The following NPAS3 variants were observed in gnomAD, a reference collection of about 807,000 sequenced individuals.
NPAS3 encodes neuronal PAS domain protein 3, also known as neuronal PAS domain-containing protein 3.
A neutral mutation model predicts 73.1 loss-of-function variants in NPAS3; 14 were observed. The observed-to-expected ratio is 0.19, with a 90% confidence interval of 0.13 to 0.30. The LOEUF (loss-of-function observed/expected upper bound fraction) is 0.30. NPAS3 is among the 10% of genes least tolerant of loss of function. The probability of loss-of-function intolerance (pLI) is 1.00; values close to 1 mark genes in which losing one functional copy is unlikely to be tolerated. For missense variants in NPAS3, 1,096 were observed against 1,250.0 expected (o/e 0.88, Z 1.86); for synonymous variants, 620 against 541.5 (o/e 1.14, Z -2.01).
At chr14:33,457,273 T>G (rs527979947) in intron 4 of NPAS3, among the ~76,000 whole-genome samples, 1 of 152,356 alleles carries the variant, frequency 6.6e-6, no homozygotes, top group African/African-American at 2.4e-5. Context: ...AGCAATTTTC[T>G]TTTACCCTCC....
intron 7 of NPAS3, among the ~76,000 whole-genome samples, chr14:33,738,533 A>T (rs2140669700): frequency 6.6e-6 from 1 of 152,196 alleles, no homozygotes; most frequent in East Asian, 1.9e-4. Context: ...CTCCATGCCT[A>T]CTCACATTCC....
intron 4 of NPAS3, among the ~76,000 whole-genome samples, chr14:33,526,891 T>C (rs142989857): frequency 2.7e-3 from 405 of 152,224 alleles, no homozygotes; most frequent in Non-Finnish European, 3.6e-3. Context: ...TGACATAACC[T>C]AATATTCATT....
chr14:33,322,673 C>T (rs958741737), intron 3 of NPAS3, among the ~76,000 whole-genome samples: 2 of 152,010 alleles, frequency 1.3e-5, no homozygotes, highest in Non-Finnish European at 2.9e-5. Flanking sequence ...GTTTTCATCT[C>T]GTTTCTAACT....
intron 2 of NPAS3, among the ~76,000 whole-genome samples, chr14:33,127,571 T>A (rs755451424): frequency 2.0e-5 from 3 of 152,130 alleles, no homozygotes; most frequent in Non-Finnish European, 4.4e-5. Flanking sequence ...GATAATAGTT[T>A]ATCCCTGCTC....
At chr14:32,957,372 A>G (rs1458533965) in intron 1 of NPAS3, among the ~76,000 whole-genome samples, 1 of 131,936 alleles carries the variant, frequency 7.6e-6, no homozygotes, top group African/African-American at 2.8e-5. Flanking sequence ...ATTCATTTTC[A>G]TTTTTTTTTT....
intron 7 of NPAS3, 108 bp from the exon 8 acceptor site, chr14:33,774,229 A>G: frequency 1.3e-6 from 1 of 776,188 alleles, no homozygotes; most frequent in South Asian, 1.8e-5. Flanking sequence ...CAGAAGATAC[A>G]AGCTAATGTT....
chr14:32,937,845 A>G (rs1158648277), upstream of NPAS3, among the ~76,000 whole-genome samples: 2 of 152,126 alleles, frequency 1.3e-5, no homozygotes, highest in Non-Finnish European at 2.9e-5. Flanking sequence ...GACTGACCCA[A>G]GTCTCTGCGT....
chr14:33,175,365 A>C (rs2139404273), intron 2 of NPAS3, among the ~76,000 whole-genome samples: 1 of 152,272 alleles, frequency 6.6e-6, no homozygotes, highest in Admixed American at 6.5e-5. Context: ...AATTTGTACA[A>C]AATTATTCTC....
At chr14:33,707,611 C>T in intron 6 of NPAS3, among the ~76,000 whole-genome samples, 1 of 152,096 alleles carries the variant, frequency 6.6e-6, no homozygotes, top group Non-Finnish European at 1.5e-5. Context: ...GGAATGCAGT[C>T]GGGTGGAAAA....
chr14:33,007,740 TA>T (rs1388777878), intron 1 of NPAS3, among the ~76,000 whole-genome samples: 3 of 152,218 alleles, frequency 2.0e-5, no homozygotes, highest in African/African-American at 7.2e-5. Flanking sequence ...GGTAAAGTAT[TA>T]ATATTTTGGA....
intron 7 of NPAS3, among the ~76,000 whole-genome samples, chr14:33,745,256 G>A (rs2140718136): frequency 6.6e-6 from 1 of 152,172 alleles, no homozygotes; most frequent in Non-Finnish European, 1.5e-5. Context: ...AAGAACCACA[G>A]TATCTGGGAA....
At chr14:33,233,773 G>C (rs916621438) in intron 3 of NPAS3, among the ~76,000 whole-genome samples, 3 of 152,042 alleles carry the variant, frequency 2.0e-5, no homozygotes, top group African/African-American at 7.2e-5. Flanking sequence ...CTCAGTATTC[G>C]TACTTGAGGA....
intron 1 of NPAS3, among the ~76,000 whole-genome samples, chr14:33,026,199 A>G (rs1405375768): frequency 6.6e-6 from 1 of 152,172 alleles, no homozygotes. Context: ...GTGTCCTCCC[A>G]TAGCTAGTCT....
intron 2 of NPAS3, among the ~76,000 whole-genome samples, chr14:33,139,316 A>G (rs192365068): frequency 6.8e-4 from 104 of 152,354 alleles, no homozygotes; most frequent in South Asian, 6.2e-3. Context: ...CCATTGCACC[A>G]AAACCCATAC....
chr14:33,528,095 T>A (rs1445562541), intron 4 of NPAS3, among the ~76,000 whole-genome samples: 1 of 152,116 alleles, frequency 6.6e-6, no homozygotes, highest in Admixed American at 6.6e-5. Context: ...AAATTCATCC[T>A]ATAGGTGAAG....
At chr14:33,092,862 A>G (rs1057377571) in intron 2 of NPAS3, among the ~76,000 whole-genome samples, 7 of 152,206 alleles carry the variant, frequency 4.6e-5, no homozygotes, top group Non-Finnish European at 7.3e-5. Flanking sequence ...AAAACAACAA[A>G]TGGGGAAAAG....
At chr14:33,050,434 A>G (rs1431670106) in intron 1 of NPAS3, among the ~76,000 whole-genome samples, 2 of 152,050 alleles carry the variant, frequency 1.3e-5, no homozygotes, top group African/African-American at 4.8e-5. Context: ...AGTTCCTTCA[A>G]TGGGTCATCA....
intron 3 of NPAS3, among the ~76,000 whole-genome samples, chr14:33,362,631 A>G (rs547731990): frequency 3.6e-4 from 55 of 152,176 alleles, no homozygotes; most frequent in Non-Finnish European, 6.9e-4. Flanking sequence ...CAGTGTGGGA[A>G]CAGATCCTTG....
intron 5 of NPAS3, among the ~76,000 whole-genome samples, chr14:33,602,884 CA>C (rs1253383845): frequency 2.0e-5 from 3 of 152,096 alleles, no homozygotes; most frequent in Admixed American, 6.6e-5. Flanking sequence ...CCAAAAGGAT[CA>C]AAATACCTCC....
Sources: gnomAD v4.1 joint callset for allele counts (sites outside exome capture counted in the v4.1 genomes callset) on GRCh38, gnomAD v4.1.1 for gene constraint, MANE v1.5 for transcripts, NCBI Gene and HGNC (gene_info 2026-07-23, HGNC 2026-07-21) for gene names.